Variants in PLBD1 observed in about 807,000 individuals in gnomAD.
The protein encoded by PLBD1 is phospholipase B domain containing 1, also known as lysosomal leucine aminopeptidase.
PLBD1 carries 60 observed loss-of-function variants against 63.0 expected under a neutral mutation model. The ratio of observed to expected loss-of-function variants is 0.95; its 90% confidence interval spans 0.77 to 1.18. PLBD1 has a LOEUF of 1.18. PLBD1 is among the 50% of genes most tolerant of loss of function. PLBD1 has a pLI of 0.00. For synonymous variants in PLBD1, 262 were observed against 248.0 expected, an observed-to-expected ratio of 1.06 and a Z score of -0.53; for missense variants, 598 against 677.9, an observed-to-expected ratio of 0.88 and a Z score of 1.31.
chr12:14,540,053 T>TACACACAC (rs1295213414), intron 4 of PLBD1, among the ~76,000 whole-genome samples: 8,440 of 85,256 alleles, frequency 0.099, 754 homozygotes, highest in East Asian at 0.21. Flanking sequence ...TATATATATA[T>TACACACAC]ACACACACAC....
At chr12:14,535,626 A>G in intron 6 of PLBD1, 33 bp downstream of exon 6, 1 of 1,610,282 alleles carries the variant, frequency 6.2e-7, no homozygotes. Flanking sequence ...AATAGTACTC[A>G]AAGTGCTCAG....
intron 1 of PLBD1, chr12:14,553,615 A>G: frequency 1.7e-6 from 1 of 600,742 alleles, no homozygotes. Flanking sequence ...CCCAAAACAC[A>G]AAGAGCAAGG....
intron 6 of PLBD1, among the ~76,000 whole-genome samples, chr12:14,526,144 T>C (rs1057010303): frequency 1.3e-5 from 2 of 152,076 alleles, no homozygotes; most frequent in African/African-American, 2.4e-5. Context: ...TAAATCTAAA[T>C]ATATAAATAT....
chr12:14,566,794 T>TAAAA (rs34908327), intron 1 of PLBD1, among the ~76,000 whole-genome samples: 3 of 138,664 alleles, frequency 2.2e-5, no homozygotes, highest in African/African-American at 7.9e-5. Context: ...GATTATATAT[T>TAAAA]AAAAAAAAAA....
chr12:14,529,581 T>C (rs1281983680), intron 6 of PLBD1, among the ~76,000 whole-genome samples: 1 of 152,190 alleles, frequency 6.6e-6, no homozygotes, highest in African/African-American at 2.4e-5. Context: ...CACTCATTTA[T>C]TGATAAAAAT....
intron 3 of PLBD1, among the ~76,000 whole-genome samples, chr12:14,541,516 C>G (rs1565578006): frequency 6.6e-6 from 1 of 152,164 alleles, no homozygotes; most frequent in Non-Finnish European, 1.5e-5. Flanking sequence ...ACTTTGCGTA[C>G]TGAAAACTAT....
rs1315433217 is a variant in PLBD1, at chr12:14,506,957, T to C, written c.1348A>G (p.Met450Val). The C allele has an allele frequency of 4.3e-6, 7 of 1,614,022 alleles. No homozygotes were observed. The highest frequency in any genetic ancestry group is 5.9e-6 in the Non-Finnish European group (7 of 1,179,998). Reference protein sequence around the residue: ...DQGKVTDTASMKYIMRYNNYK... With the variant: ...DQGKVTDTASVKYIMRYNNYK... ...CTGTTGTATCGCATGATATATTTCATGGATGCCGTATCAGTCACTTTCCCT... is the reference window on the plus strand; with the variant it reads ...CTGTTGTATCGCATGATATATTTCACGGATGCCGTATCAGTCACTTTCCCT... The change falls in exon 9 of 11, where the codon ATG becomes GTG. Residue 450 changes from methionine (M) to valine (V), a missense_variant. Transcript: ENST00000240617.
chr12:14,534,281 T>C (rs541175995), intron 6 of PLBD1, among the ~76,000 whole-genome samples: 2 of 152,306 alleles, frequency 1.3e-5, no homozygotes, highest in Admixed American at 6.5e-5. Flanking sequence ...TTACAGTGTA[T>C]CCAGTTGAAC....
At chr12:14,510,219 C>T (rs1227751718) in intron 8 of PLBD1, among the ~76,000 whole-genome samples, 2 of 152,022 alleles carry the variant, frequency 1.3e-5, no homozygotes, top group Non-Finnish European at 2.9e-5. Context: ...GGTGAAACCC[C>T]GTCTCTACTA....
At chr12:14,537,088 C>T (rs1177131713) in intron 4 of PLBD1, among the ~76,000 whole-genome samples, 1 of 53,434 alleles carries the variant, frequency 1.9e-5, no homozygotes, top group African/African-American at 6.2e-5. Flanking sequence ...GACCGCATCT[C>T]AAAAAAAAAA....
At chr12:14,537,174 A>C (rs1945526312) in intron 4 of PLBD1, among the ~76,000 whole-genome samples, 1 of 152,166 alleles carries the variant, frequency 6.6e-6, no homozygotes. Flanking sequence ...AGCTTATAAA[A>C]TAATTGTTAT....
At chr12:14,531,795 C>A (rs1945464959) in intron 6 of PLBD1, among the ~76,000 whole-genome samples, 2 of 152,210 alleles carry the variant, frequency 1.3e-5, no homozygotes, top group Non-Finnish European at 1.5e-5. Context: ...CAACACTCGG[C>A]TGATTTTTTT....
At chr12:14,538,010 T>C (rs1182369003) in intron 4 of PLBD1, among the ~76,000 whole-genome samples, 3 of 152,098 alleles carry the variant, frequency 2.0e-5, no homozygotes, top group African/African-American at 7.2e-5. Context: ...ACTGTGATCT[T>C]GGATCCAGAG....
intron 6 of PLBD1, among the ~76,000 whole-genome samples, chr12:14,518,349 C>T (rs989778515): frequency 1.3e-5 from 2 of 152,158 alleles, no homozygotes; most frequent in African/African-American, 4.8e-5. Context: ...AACTTAAATT[C>T]TGCCTAATTC....
At chr12:14,520,651 G>T (rs1175935432) in intron 6 of PLBD1, among the ~76,000 whole-genome samples, 3 of 152,230 alleles carry the variant, frequency 2.0e-5, no homozygotes, top group Non-Finnish European at 4.4e-5. Flanking sequence ...CAGAGACCCA[G>T]TGGAGCATGG....
intron 3 of PLBD1, among the ~76,000 whole-genome samples, chr12:14,541,268 C>G (rs4764099): frequency 0.9 from 136,444 of 152,222 alleles, 62,481 homozygotes; most frequent in East Asian, 0.99. Flanking sequence ...ATTCACCTTA[C>G]TTTTAGTTGT....
At chr12:14,519,401 A>T (rs530790779) in intron 6 of PLBD1, among the ~76,000 whole-genome samples, 5 of 152,170 alleles carry the variant, frequency 3.3e-5, no homozygotes, top group African/African-American at 1.2e-4. Flanking sequence ...CAGGTGGATC[A>T]TGAGGTAAGG....
At chr12:14,559,912 G>A (rs1213985873) in intron 1 of PLBD1, among the ~76,000 whole-genome samples, 1 of 150,714 alleles carries the variant, frequency 6.6e-6, no homozygotes, top group Admixed American at 6.6e-5. Flanking sequence ...CCAGGCTGGA[G>A]TGCAATGGTG....
intron 1 of PLBD1, among the ~76,000 whole-genome samples, chr12:14,555,651 C>T (rs1945697653): frequency 6.6e-6 from 1 of 152,190 alleles, no homozygotes; most frequent in South Asian, 2.1e-4. Flanking sequence ...ATTCGATGAT[C>T]CAGAGACCAT....
Sources: allele counts gnomAD v4.1 joint callset (sites outside exome capture counted in the v4.1 genomes callset), GRCh38; gene constraint gnomAD v4.1.1; transcripts MANE v1.5; gene names NCBI Gene and HGNC (gene_info 2026-07-23, HGNC 2026-07-21).